Variants in TNNI3K observed in about 807,000 individuals in gnomAD.
TNNI3K encodes the protein TNNI3 interacting kinase.
A neutral mutation model predicts 114.5 loss-of-function variants in TNNI3K; 140 were observed. The ratio of observed to expected loss-of-function variants is 1.22; its 90% confidence interval spans 1.07 to 1.41. TNNI3K has a LOEUF of 1.41. Ranked by LOEUF, TNNI3K falls within the 40% of genes most tolerant of loss-of-function variation. The pLI, the probability that TNNI3K is intolerant of heterozygous loss-of-function variation, is 0.00. For synonymous variants in TNNI3K, 347 were observed against 347.5 expected, an observed-to-expected ratio of 1.00 and a Z score of 0.02; for missense variants, 1,125 against 1,007.6, an observed-to-expected ratio of 1.12 and a Z score of -1.58.
intron 4 of TNNI3K, among the ~76,000 whole-genome samples, chr1:74,266,917 T>C (rs182425854): frequency 6.6e-6 from 1 of 152,090 alleles, no homozygotes; most frequent in East Asian, 1.9e-4. Context: ...CTGGAGCGCT[T>C]TTTTGTCTAA....
In TNNI3K at chr1:74,331,761, G is replaced by A. The variant is rs547864079; in HGVS notation, c.543+213G>A. Among the ~76,000 whole-genome samples the A allele has an allele frequency of 5.8e-4, 89 of 152,264 alleles. 1 individual carries two copies. Among genetic ancestry groups the A allele is most frequent in the African/African-American group, 2.1e-3 (86 of 41,560 alleles). ...TGCTGATGATCTTATTACACAAAGA[G>A]GCAGAAAAGTACATTGGTAAGTGTG... On this transcript the variant is annotated intron_variant, in intron 6 of 24. Transcript: ENST00000326637.
intron 21 of TNNI3K, among the ~76,000 whole-genome samples, chr1:74,487,290 A>G (rs1668815119): frequency 6.6e-6 from 1 of 152,184 alleles, no homozygotes; most frequent in South Asian, 2.1e-4. Context: ...TTTCATCCAC[A>G]GAAACAAAAG....
At chr1:74,308,911 A>G (rs1035910213) in intron 5 of TNNI3K, among the ~76,000 whole-genome samples, 1 of 152,188 alleles carries the variant, frequency 6.6e-6, no homozygotes, top group Non-Finnish European at 1.5e-5. Context: ...GAGGAAATGG[A>G]TAAATTCTCA....
chr1:74,490,183 C>G (rs187483727), intron 22 of TNNI3K, among the ~76,000 whole-genome samples: 54 of 151,126 alleles, frequency 3.6e-4, no homozygotes, highest in Non-Finnish European at 6.6e-4. Context: ...CTAAAGAAAA[C>G]TTTTGTGTAA....
chr1:74,540,824 G>C (rs569491139), intron 24 of TNNI3K, among the ~76,000 whole-genome samples: 1 of 152,148 alleles, frequency 6.6e-6, no homozygotes, highest in East Asian at 1.9e-4. Context: ...CCTTCAAACA[G>C]CTGGAGAGGC....
intron 5 of TNNI3K, among the ~76,000 whole-genome samples, chr1:74,299,862 C>A (rs1024941707): frequency 6.6e-6 from 1 of 151,998 alleles, no homozygotes; most frequent in Non-Finnish European, 1.5e-5. Context: ...GAGCAATAAG[C>A]CAATATTTGC....
chr1:74,367,196 G>C, intron 11 of TNNI3K, 60 bp from the exon 12 acceptor site: 3 of 1,572,278 alleles, frequency 1.9e-6, no homozygotes, highest in Non-Finnish European at 2.6e-6. Context: ...GGATTTGAGA[G>C]TAGACTGAAT....
At chr1:74,318,066 G>C (rs1221729179) in intron 5 of TNNI3K, among the ~76,000 whole-genome samples, 1 of 152,154 alleles carries the variant, frequency 6.6e-6, no homozygotes, top group Non-Finnish European at 1.5e-5. Flanking sequence ...TCATGGCCTG[G>C]AAACTCTCTA....
At chr1:74,336,249 C>T in intron 7 of TNNI3K, 100 bp downstream of exon 7, 1 of 1,387,148 alleles carries the variant, frequency 7.2e-7, no homozygotes, top group Non-Finnish European at 9.5e-7. Context: ...GTTGACTAAT[C>T]CTGTAGTCAT....
intron 21 of TNNI3K, among the ~76,000 whole-genome samples, chr1:74,484,136 C>A (rs1668636884): frequency 6.6e-6 from 1 of 150,922 alleles, no homozygotes; most frequent in South Asian, 2.1e-4. Flanking sequence ...TCTCAACCCC[C>A]CAGTGAAATA....
Position 74,272,645 on chromosome 1 carries a change from TCA to T in TNNI3K, c.444+942_444+943del, listed in dbSNP as rs2100896628. ...TGGTGATGAATGGTTCCAAGCCAAATCACACAGTGTTTTAAAGGTCATAGGAA... is the reference window on the plus strand; with the variant it reads ...TGGTGATGAATGGTTCCAAGCCAAATCACAGTGTTTTAAAGGTCATAGGAA... On this transcript the variant is annotated intron_variant, in intron 5 of 24. Coordinates refer to ENST00000326637, the MANE Select transcript of TNNI3K (RefSeq NM_015978.3). 2.6e-5 allele frequency among the ~76,000 whole-genome samples: 4 copies of T among 151,940 alleles called. No individual in the cohort carries two copies. The South Asian group carries it at 8.3e-4, about 32-fold the overall frequency.
intron 1 of TNNI3K, 22 bp from the exon 2 acceptor site, chr1:74,236,080 C>T (rs1208189297): frequency 1.3e-5 from 20 of 1,588,730 alleles, no homozygotes; most frequent in Non-Finnish European, 1.5e-5. Flanking sequence ...ATGAATCAAT[C>T]TCATTTGTTC....
chr1:74,388,582 A>C (rs942180860), intron 17 of TNNI3K, among the ~76,000 whole-genome samples: 2 of 152,288 alleles, frequency 1.3e-5, no homozygotes, highest in African/African-American at 4.8e-5. Context: ...ATTAGGTAGG[A>C]AGGAAACATT....
intron 17 of TNNI3K, among the ~76,000 whole-genome samples, chr1:74,391,196 T>C (rs1006676626): frequency 5.3e-5 from 8 of 152,190 alleles, no homozygotes; most frequent in Middle Eastern, 3.2e-3. Flanking sequence ...CTAGAGATAC[T>C]GCAGTTGCCA....
chr1:74,418,659 A>G (rs986997085), intron 17 of TNNI3K, among the ~76,000 whole-genome samples: 5 of 152,034 alleles, frequency 3.3e-5, no homozygotes, highest in Non-Finnish European at 7.4e-5. Context: ...CTAATCTTAC[A>G]CTGATATTCT....
intron 11 of TNNI3K, among the ~76,000 whole-genome samples, chr1:74,361,201 T>G (rs1661948717): frequency 6.6e-6 from 1 of 152,074 alleles, no homozygotes; most frequent in African/African-American, 2.4e-5. Flanking sequence ...TTTCCATGCA[T>G]TGGAACTGCA....
intron 17 of TNNI3K, among the ~76,000 whole-genome samples, chr1:74,394,537 G>A (rs696683): frequency 0.16 from 24,971 of 152,092 alleles, 2,701 homozygotes; most frequent in African/African-American, 0.31. Flanking sequence ...CTGCTTGTCA[G>A]CAACCCCCTT....
intron 11 of TNNI3K, among the ~76,000 whole-genome samples, chr1:74,360,235 G>A (rs1165036118): frequency 1.3e-5 from 2 of 151,576 alleles, no homozygotes; most frequent in Non-Finnish European, 2.9e-5. Context: ...TATATTCAAG[G>A]TGCAAATAAG....
Position 74,250,717 on chromosome 1 carries a change from C to CT in TNNI3K, c.281_282insT (p.Ser95IlefsTer19). The CT allele has an allele frequency of 6.2e-7, 1 of 1,613,380 alleles. No homozygotes were observed. The highest frequency in any genetic ancestry group is 8.5e-7 in the Non-Finnish European group (1 of 1,179,750). On this transcript the variant is annotated frameshift_variant, in exon 4 of 25. Transcript: ENST00000326637. LOFTEE classifies it high-confidence loss of function. Reference sequence around the variant, plus strand: ...ACTCTTATGTTGAAAGGGCTCCGCCCATCTCGACTGACAAGAAATGGATTT... The same window carrying CT: ...ACTCTTATGTTGAAAGGGCTCCGCCCTATCTCGACTGACAAGAAATGGATTT...
Sources: allele counts gnomAD v4.1 joint callset (sites outside exome capture counted in the v4.1 genomes callset), GRCh38; gene constraint gnomAD v4.1.1; transcripts MANE v1.5; gene names NCBI Gene and HGNC (gene_info 2026-07-23, HGNC 2026-07-21).